Variants in ZFAT observed in about 807,000 individuals in gnomAD.
The protein encoded by ZFAT is zinc finger and AT-hook domain containing.
Under a neutral mutation model 117.7 loss-of-function variants are expected in ZFAT, and 64 were observed. The observed-to-expected ratio is 0.54, with a 90% CI of 0.44 to 0.67. The LOEUF is 0.67. Ranked by LOEUF, ZFAT falls within the 30% of genes least tolerant of loss-of-function variation. The pLI, the probability that ZFAT is intolerant of heterozygous loss-of-function variation, is 0.00. For synonymous variants in ZFAT, 679 were observed against 615.0 expected (o/e 1.10, Z -1.54); for missense variants, 1,433 against 1,584.5 (o/e 0.90, Z 1.62).
intron 1 of ZFAT, among the ~76,000 whole-genome samples, chr8:134,691,653 T>G (rs904649843): frequency 1.3e-5 from 2 of 152,214 alleles, no homozygotes; most frequent in African/African-American, 4.8e-5. Flanking sequence ...GTAAATCCCC[T>G]TCAATATTAA....
the ZFAT span, among the ~76,000 whole-genome samples, chr8:134,760,273 G>GAAA: frequency 2.7e-4 from 35 of 128,736 alleles, no homozygotes; most frequent in South Asian, 7.1e-3. Context: ...GTCTCAAAAA[G>GAAA]AAAAAAAAAA....
the ZFAT span, among the ~76,000 whole-genome samples, chr8:134,773,984 A>ATTT: frequency 1.3e-3 from 139 of 103,264 alleles, 6 homozygotes; most frequent in Non-Finnish European, 1.7e-3. Flanking sequence ...TTGAGGATTA[A>ATTT]TTTTTTTTTT....
intron 12 of ZFAT, among the ~76,000 whole-genome samples, chr8:134,530,177 T>C (rs1821308470): frequency 6.6e-6 from 1 of 152,208 alleles, no homozygotes; most frequent in East Asian, 1.9e-4. Context: ...TAAAATCCTT[T>C]TGAGAAAAAT....
chr8:134,595,839 A>C (rs994025181), intron 7 of ZFAT, among the ~76,000 whole-genome samples: 1 of 152,204 alleles, frequency 6.6e-6, no homozygotes, highest in Non-Finnish European at 1.5e-5. Flanking sequence ...AGAAACAGGC[A>C]CTCAGCCAGA....
At chr8:134,790,217 A>T in the ZFAT span, among the ~76,000 whole-genome samples, 2 of 152,350 alleles carry the variant, frequency 1.3e-5, no homozygotes, top group South Asian at 2.1e-4. Flanking sequence ...CATGGCCTGT[A>T]GCCCTTATAT....
At chr8:134,651,245 G>A (rs1186863462) in intron 2 of ZFAT, among the ~76,000 whole-genome samples, 1 of 152,120 alleles carries the variant, frequency 6.6e-6, no homozygotes, top group Non-Finnish European at 1.5e-5. Flanking sequence ...GCTGATAGAA[G>A]CATTATTCAG....
intron 15 of ZFAT, among the ~76,000 whole-genome samples, chr8:134,485,907 C>G (rs781388873): frequency 6.6e-6 from 1 of 152,214 alleles, no homozygotes; most frequent in Non-Finnish European, 1.5e-5. Flanking sequence ...CGCATCACAG[C>G]TTTCAAAACA....
intron 15 of ZFAT, among the ~76,000 whole-genome samples, chr8:134,499,203 G>T (rs1818744433): frequency 7.3e-6 from 1 of 137,164 alleles, no homozygotes; most frequent in African/African-American, 2.7e-5. Context: ...GATTTGGGAG[G>T]GTTGGGGTGG....
intron 1 of ZFAT, among the ~76,000 whole-genome samples, chr8:134,674,448 C>A (rs758144953): frequency 2.0e-5 from 3 of 152,162 alleles, no homozygotes; most frequent in African/African-American, 7.2e-5. Flanking sequence ...CCTGAGTAGG[C>A]GGTTTTACCC....
intron 2 of ZFAT, among the ~76,000 whole-genome samples, chr8:134,638,995 T>A (rs1490878207): frequency 1.3e-5 from 2 of 152,182 alleles, no homozygotes; most frequent in South Asian, 2.1e-4. Context: ...TGGGTACACG[T>A]GCATCTGTAG....
chr8:134,627,788 C>A (rs1282696900), intron 3 of ZFAT, among the ~76,000 whole-genome samples: 1 of 152,202 alleles, frequency 6.6e-6, no homozygotes, highest in African/African-American at 2.4e-5. Flanking sequence ...ACAGACAGAG[C>A]CAGGAAGTGA....
intron 1 of ZFAT, among the ~76,000 whole-genome samples, chr8:134,703,083 T>C (rs1156346651): frequency 6.6e-6 from 1 of 152,216 alleles, no homozygotes; most frequent in Non-Finnish European, 1.5e-5. Flanking sequence ...CAGCAAACTA[T>C]TTTCCAAAGT....
intron 3 of ZFAT, among the ~76,000 whole-genome samples, chr8:134,625,183 C>G (rs568357306): frequency 6.6e-6 from 1 of 152,242 alleles, no homozygotes; most frequent in African/African-American, 2.4e-5. Flanking sequence ...AGGGGAAGAA[C>G]AGGCAGGCAC....
chr8:134,725,890 C>T, the ZFAT span, among the ~76,000 whole-genome samples: 1 of 152,134 alleles, frequency 6.6e-6, no homozygotes, highest in Non-Finnish European at 1.5e-5. Flanking sequence ...TCAGTAATTA[C>T]CGTGTGGCGG....
At chr8:134,731,327 T>G in the ZFAT span, among the ~76,000 whole-genome samples, 1 of 152,324 alleles carries the variant, frequency 6.6e-6, no homozygotes, top group Non-Finnish European at 1.5e-5. Flanking sequence ...TAGCCCCAAG[T>G]GAGAAACTAC....
intron 7 of ZFAT, among the ~76,000 whole-genome samples, chr8:134,592,638 T>C (rs1037213818): frequency 6.6e-6 from 1 of 151,990 alleles, no homozygotes; most frequent in Non-Finnish European, 1.5e-5. Context: ...CTATAGTGAG[T>C]GCTCAATAAA....
chr8:134,595,388 G>A (rs926363475), intron 7 of ZFAT, among the ~76,000 whole-genome samples: 1 of 151,874 alleles, frequency 6.6e-6, no homozygotes, highest in Admixed American at 6.6e-5. Context: ...TGGGTGTTCT[G>A]TACAGTACAT....
At chr8:134,776,245 G>C in the ZFAT span, among the ~76,000 whole-genome samples, 1 of 152,068 alleles carries the variant, frequency 6.6e-6, no homozygotes, top group African/African-American at 2.4e-5. Flanking sequence ...GTGATCCAAG[G>C]CCAATGTTCT....
At chr8:134,781,894 A>C in the ZFAT span, among the ~76,000 whole-genome samples, 2 of 152,328 alleles carry the variant, frequency 1.3e-5, no homozygotes, top group Non-Finnish European at 1.5e-5. Context: ...CCCTAGCTTA[A>C]AGAATAGAGT....
Sources: gnomAD v4.1 joint callset for allele counts (sites outside exome capture counted in the v4.1 genomes callset) on GRCh38, gnomAD v4.1.1 for gene constraint, MANE v1.5 for transcripts, NCBI Gene and HGNC (gene_info 2026-07-23, HGNC 2026-07-21) for gene names.